The following DNAH12 variants were observed in gnomAD, a reference collection of about 807,000 sequenced individuals.
The protein encoded by DNAH12 is axonemal beta dynein heavy chain 12.
A neutral mutation model predicts 371.5 loss-of-function variants in DNAH12; 285 were observed. The ratio of observed to expected loss-of-function variants is 0.77; its 90% confidence interval spans 0.70 to 0.85. The LOEUF (loss-of-function observed/expected upper bound fraction) is 0.85. Ranked by LOEUF, DNAH12 falls within the 40% of genes least tolerant of loss-of-function variation. The pLI, the probability that DNAH12 is intolerant of heterozygous loss-of-function variation, is 0.00. For missense variants in DNAH12, 3,611 were observed against 3,689.4 expected (o/e 0.98, Z 0.55); for synonymous variants, 1,200 against 1,213.0 (o/e 0.99, Z 0.22).
intron 70 of DNAH12, among the ~76,000 whole-genome samples, chr3:57,301,293 A>G (rs2061340188): frequency 6.7e-6 from 1 of 148,308 alleles, no homozygotes; most frequent in Non-Finnish European, 1.5e-5. Context: ...AAAAAAAAAA[A>G]AAAAAAAAAT....
At chr3:57,387,681 A>G (rs2063524713) in intron 45 of DNAH12, among the ~76,000 whole-genome samples, 1 of 152,194 alleles carries the variant, frequency 6.6e-6, no homozygotes, top group South Asian at 2.1e-4. Flanking sequence ...CCAATGACAC[A>G]TAAGCAGTTG....
chr3:57,495,256 A>G (rs768389051), intron 11 of DNAH12, among the ~76,000 whole-genome samples: 2 of 152,120 alleles, frequency 1.3e-5, no homozygotes, highest in South Asian at 2.1e-4. Flanking sequence ...TAAAAACTTC[A>G]GAATAAGAAA....
intron 4 of DNAH12, among the ~76,000 whole-genome samples, chr3:57,516,060 T>C (rs902379705): frequency 7.5e-6 from 1 of 132,932 alleles, no homozygotes; most frequent in Non-Finnish European, 1.6e-5. Context: ...AGTCTTTTTT[T>C]TTTTTTTTTT....
At chr3:57,537,278 CTT>C (rs1348568491) in intron 2 of DNAH12, among the ~76,000 whole-genome samples, 1 of 152,090 alleles carries the variant, frequency 6.6e-6, no homozygotes, top group Non-Finnish European at 1.5e-5. Flanking sequence ...TAAATAAAAA[CTT>C]GATAATTTCA....
At chr3:57,523,552 T>A in intron 4 of DNAH12, 31 bp downstream of exon 4, 1 of 1,563,288 alleles carries the variant, frequency 6.4e-7, no homozygotes. Context: ...TTGAACATTT[T>A]CAAACAAGAA....
chr3:57,551,004 G>A, the DNAH12 span, among the ~76,000 whole-genome samples: 1 of 139,488 alleles, frequency 7.2e-6, no homozygotes, highest in Admixed American at 7.3e-5. Flanking sequence ...TCAGCCTCCC[G>A]AGTAGCTGGG....
intron 11 of DNAH12, chr3:57,498,509 C>T (rs576132418): frequency 7.0e-6 from 5 of 715,910 alleles, no homozygotes; most frequent in African/African-American, 7.0e-5. Context: ...GTTAAAAATA[C>T]ACTTCCCATA....
At chr3:57,526,629 A>C (rs2068655640) in intron 2 of DNAH12, among the ~76,000 whole-genome samples, 1 of 150,920 alleles carries the variant, frequency 6.6e-6, no homozygotes, top group Admixed American at 6.6e-5. Context: ...CCCTGGTTCA[A>C]GCTATTCTGC....
chr3:57,541,545 T>A (rs977245305), intron 2 of DNAH12, among the ~76,000 whole-genome samples: 1 of 151,686 alleles, frequency 6.6e-6, no homozygotes, highest in South Asian at 2.1e-4. Context: ...TTTTTTTTTT[T>A]ATAGCGATGA....
chr3:57,551,374 C>T, the DNAH12 span, among the ~76,000 whole-genome samples: 3 of 152,032 alleles, frequency 2.0e-5, no homozygotes, highest in South Asian at 4.1e-4. Context: ...CGGGTTCACA[C>T]CATTCTCCTG....
intron 62 of DNAH12, among the ~76,000 whole-genome samples, chr3:57,328,779 T>C (rs2062013852): frequency 1.5e-5 from 2 of 131,038 alleles, no homozygotes; most frequent in Non-Finnish European, 3.2e-5. Flanking sequence ...TTGTCCCTGT[T>C]TGCAGATGAC....
chr3:57,295,445 A>G (rs1178412509), intron 73 of DNAH12, 80 bp downstream of exon 73: 6 of 1,222,880 alleles, frequency 4.9e-6, no homozygotes, highest in Non-Finnish European at 6.8e-6. Context: ...TTGAGCAAAA[A>G]CTTATTTTGG....
At chr3:57,459,528 A>G (rs2065994394) in intron 20 of DNAH12, 64 bp downstream of exon 20, 1 of 1,292,522 alleles carries the variant, frequency 7.7e-7, no homozygotes, top group South Asian at 2.8e-5. Flanking sequence ...AAAAAGTCAC[A>G]TGTTTTACTT....
intron 29 of DNAH12, among the ~76,000 whole-genome samples, chr3:57,439,162 A>G (rs1012144278): frequency 4.6e-5 from 7 of 152,174 alleles, no homozygotes; most frequent in South Asian, 2.1e-4. Context: ...TGCTACTCCT[A>G]TCAAGCTACC....
intron 23 of DNAH12, 110 bp from the exon 24 acceptor site, chr3:57,453,513 A>G (rs902891964): frequency 5.9e-6 from 6 of 1,009,594 alleles, no homozygotes; most frequent in East Asian, 5.8e-5. Context: ...ATCTATCTCA[A>G]TATAGAAATG....
chr3:57,389,796 A>T (rs2063571116), intron 45 of DNAH12, among the ~76,000 whole-genome samples: 1 of 78,744 alleles, frequency 1.3e-5, no homozygotes, highest in African/African-American at 3.6e-5. Context: ...ATATATACAC[A>T]TATGTGTGTG....
At chr3:57,305,781 C>A (rs1464202807) in intron 69 of DNAH12, among the ~76,000 whole-genome samples, 4 of 152,162 alleles carry the variant, frequency 2.6e-5, no homozygotes, top group African/African-American at 9.7e-5. Context: ...AACCCCACAA[C>A]AGGACTTAAT....
intron 2 of DNAH12, among the ~76,000 whole-genome samples, chr3:57,532,088 T>C (rs182652119): frequency 1.1e-3 from 175 of 152,294 alleles, no homozygotes; most frequent in African/African-American, 4.1e-3. Flanking sequence ...TAATTCTTTC[T>C]GCTTGATCAA....
intron 2 of DNAH12, among the ~76,000 whole-genome samples, chr3:57,532,390 T>C (rs1333644483): frequency 1.3e-5 from 2 of 152,162 alleles, no homozygotes; most frequent in South Asian, 2.1e-4. Flanking sequence ...ATGGTGTTGA[T>C]GCTTGTAGAA....
Sources: allele counts gnomAD v4.1 joint callset (sites outside exome capture counted in the v4.1 genomes callset), GRCh38; gene constraint gnomAD v4.1.1; transcripts MANE v1.5; gene names NCBI Gene and HGNC (gene_info 2026-07-23, HGNC 2026-07-21).